RFX2: variants seen among roughly 807,000 people sequenced by gnomAD.
RFX2 encodes the protein regulatory factor X2.
RFX2 carries 20 observed loss-of-function variants against 87.8 expected under a neutral mutation model. The observed-to-expected ratio is 0.23, with a 90% CI of 0.16 to 0.33. The LOEUF is 0.33. Ranked by LOEUF, RFX2 falls within the 10% of genes least tolerant of loss-of-function variation. RFX2 has a pLI of 1.00. For missense variants in RFX2, 767 were observed against 1,012.3 expected (o/e 0.76, Z 3.29); for synonymous variants, 397 against 431.3 (o/e 0.92, Z 0.98).
At chr19:6,028,215 A>C (rs1200957570) in intron 5 of RFX2, among the ~76,000 whole-genome samples, 1 of 151,084 alleles carries the variant, frequency 6.6e-6, no homozygotes, top group South Asian at 2.1e-4. Context: ...AAAAAAAAAA[A>C]CAACAAAACC....
intron 1 of RFX2, among the ~76,000 whole-genome samples, chr19:6,067,100 G>T (rs972786018): frequency 6.6e-6 from 1 of 152,150 alleles, no homozygotes; most frequent in Non-Finnish European, 1.5e-5. Flanking sequence ...CATCACAGGA[G>T]GGATTTCAAT....
chr19:5,994,061 T>A lies in RFX2; in HGVS notation c.*774A>T, dbSNP rs936006549. 2.0e-5 allele frequency: 3 copies of A among 152,250 alleles called. No individual in the cohort carries two copies. The highest frequency in any genetic ancestry group is 7.2e-5 in the African/African-American group (3 of 41,468). The allele number at this position is 152,250 out of a possible 1,614,324, so 9.4% of individuals were successfully genotyped here. On this transcript the variant is annotated 3_prime_UTR_variant, in exon 18 of 18. Coordinates refer to ENST00000303657, the MANE Select transcript of RFX2 (RefSeq NM_000635.4). ...TGCTGATAAAACTTCTGGTTTTGATTTTTTGAAAGACACTGCTGTGTCCTG... is the reference window on the plus strand; with the variant it reads ...TGCTGATAAAACTTCTGGTTTTGATATTTTGAAAGACACTGCTGTGTCCTG...
intron 1 of RFX2, among the ~76,000 whole-genome samples, chr19:6,082,721 C>T (rs1024125378): frequency 6.6e-5 from 10 of 152,134 alleles, no homozygotes; most frequent in African/African-American, 2.2e-4. Flanking sequence ...GTGTTAGCCA[C>T]TGGAAAACTT....
chr19:6,099,847 C>A (rs986298628), intron 1 of RFX2, among the ~76,000 whole-genome samples: 1 of 152,170 alleles, frequency 6.6e-6, no homozygotes. Context: ...TTCTGTTCAC[C>A]CTCACTCCCA....
chr19:6,097,838 C>T (rs1430531684), intron 1 of RFX2, among the ~76,000 whole-genome samples: 1 of 152,198 alleles, frequency 6.6e-6, no homozygotes, highest in Non-Finnish European at 1.5e-5. Flanking sequence ...CTACCTCAGC[C>T]TCCCAAAGTG....
intron 12 of RFX2, among the ~76,000 whole-genome samples, chr19:6,005,995 C>G (rs1355083601): frequency 2.6e-5 from 4 of 152,206 alleles, no homozygotes; most frequent in African/African-American, 9.7e-5. Flanking sequence ...GCCTGCATGC[C>G]CCCAGTGAAC....
rs537407917 is a variant in RFX2 at position 6,037,240 on chromosome 19, C to T, written c.522+2740G>A. ...CGGAGCTTGCAGTGAGCCCAGATTG[C>T]GCCACTGCACTCCAGCCTGGGCGAC... On this transcript the variant is annotated intron_variant, in intron 5 of 17. Coordinates refer to ENST00000303657, the MANE Select transcript of RFX2 (RefSeq NM_000635.4). Among the ~76,000 whole-genome samples, 17 of 150,250 alleles carry T rather than the reference C, an allele frequency of 1.1e-4. No homozygotes were observed. In the East Asian group the frequency reaches 1.6e-3, roughly 14 times the overall value.
chr19:6,090,370 C>CAAA (rs1169384189), intron 1 of RFX2, among the ~76,000 whole-genome samples: 5 of 56,564 alleles, frequency 8.8e-5, no homozygotes, highest in African/African-American at 2.5e-4. Flanking sequence ...GACTCTGTCT[C>CAAA]AAAAAAAAAA....
At chr19:6,041,924 T>C in intron 4 of RFX2, 120 bp downstream of exon 4, 1 of 796,992 alleles carries the variant, frequency 1.3e-6, no homozygotes, top group Admixed American at 1.8e-5. Flanking sequence ...ATTTTAACAG[T>C]ATTTAGTGAA....
In RFX2 at chr19:5,997,140, A is replaced by G. The variant is rs2086424543; in HGVS notation, c.1933T>C (p.Tyr645His). The change falls in exon 16 of 18, where the codon TAC (tyrosine) becomes CAC (histidine). Residue 645 changes from tyrosine (Y) to histidine (H), a missense_variant. Tyr to His is a moderately conservative substitution (Grantham distance 83). This residue lies in a region of RFX2 where 621 missense variants were observed against 873.0 expected (regional missense o/e 0.71). Coordinates refer to ENST00000303657, the MANE Select transcript of RFX2 (RefSeq NM_000635.4). The surrounding 1 kb of genome is among the most constrained non-coding windows in gnomAD (Gnocchi z 4.2). Reference protein sequence around the residue: ...FGSFHLIRLLYDEYMFYLVEH... With the variant: ...FGSFHLIRLLHDEYMFYLVEH... ...ACCAGGTAGAACATGTACTCGTCGTAGAGCAGGCGGATGAGGTGGAAGGAG... is the reference window on the plus strand; with the variant it reads ...ACCAGGTAGAACATGTACTCGTCGTGGAGCAGGCGGATGAGGTGGAAGGAG... 1 of 1,613,798 alleles carries G rather than the reference A, an allele frequency of 6.2e-7. No homozygotes were observed. Among genetic ancestry groups the G allele is most frequent in the Non-Finnish European group, 8.5e-7 (1 of 1,180,002 alleles).
intron 9 of RFX2, among the ~76,000 whole-genome samples, chr19:6,008,518 G>A: frequency 6.6e-6 from 1 of 150,874 alleles, no homozygotes. Context: ...GATTACAGGT[G>A]GGCGCCACGA....
intron 1 of RFX2, among the ~76,000 whole-genome samples, chr19:6,070,816 T>C (rs1191939180): frequency 6.6e-6 from 1 of 152,234 alleles, no homozygotes; most frequent in Non-Finnish European, 1.5e-5. Context: ...CCAGTGATTG[T>C]CCTGCCTTAG....
At chr19:6,015,038 G>C (rs2144707115) in intron 7 of RFX2, among the ~76,000 whole-genome samples, 1 of 152,314 alleles carries the variant, frequency 6.6e-6, no homozygotes, top group East Asian at 1.9e-4. Flanking sequence ...TTAGAGGAGA[G>C]TTGGCATAAT....
chr19:6,085,272 T>C (rs1488710994), intron 1 of RFX2, among the ~76,000 whole-genome samples: 2 of 152,194 alleles, frequency 1.3e-5, no homozygotes, highest in Non-Finnish European at 2.9e-5. Context: ...TCCATATTCT[T>C]ATCAACATTT....
At position 6,020,240 on chromosome 19, in the gene RFX2, A is replaced by T. The variant is rs957678224; in HGVS notation, c.598-3969T>A. On this transcript the variant is annotated intron_variant, in intron 6 of 17. Coordinates refer to ENST00000303657, the MANE Select transcript of RFX2 (RefSeq NM_000635.4). This position sits in a 1 kb window ranked among gnomAD's most constrained non-coding sequence, Gnocchi z 5.3. ...CATACTGGCTCACACATAAAAAGAA[A>T]GTTTTGGAACAGATGATCCTTCTGC... is the stretch of plus-strand genomic sequence containing the variant. 1.3e-5 allele frequency: 2 copies of T among 152,202 alleles called. No individual in the cohort carries two copies. Among genetic ancestry groups the T allele is most frequent in the African/African-American group, 2.4e-5 (1 of 41,438 alleles). 9.4% of individuals were successfully genotyped at this position (152,202 alleles called of 1,614,324 possible).
chr19:6,016,555 T>C lies in RFX2; in HGVS notation c.598-284A>G, dbSNP rs1176719826. 6.6e-6 allele frequency among the ~76,000 whole-genome samples: 1 copy of C among 152,078 alleles called. No individual in the cohort carries two copies. On this transcript the variant is annotated intron_variant, in intron 6 of 17. Transcript: ENST00000303657. This position sits in a 1 kb window ranked among gnomAD's most constrained non-coding sequence, Gnocchi z 5.4. ...ACAGGTGTCCGACACCACATCTGGC[T>C]AGTTTTTGTATTTTTAGTAGAGACG...
rs371732271 is a variant in RFX2 at position 6,004,155 on chromosome 19, C to T, written c.1500+46G>A. 27 of 1,417,116 alleles carry T rather than the reference C, an allele frequency of 1.9e-5. No homozygotes were observed. The highest frequency in any genetic ancestry group is 1.8e-4 in the Middle Eastern group (1 of 5,532). 87.8% of individuals were successfully genotyped at this position (1,417,116 alleles called of 1,614,324 possible). On this transcript the variant is annotated intron_variant, in intron 13 of 17. Coordinates refer to ENST00000303657, the MANE Select transcript of RFX2 (RefSeq NM_000635.4). The surrounding 1 kb of genome is among the most constrained non-coding windows in gnomAD (Gnocchi z 4.8). ...TCCTCATGCTGTCCTGGACTGGAGC[C>T]CCTCCCAGCCATCGTTGGGGAGCCC...
Position 5,998,605 on chromosome 19 carries a change from G to A in RFX2, c.1860-1392C>T, listed in dbSNP as rs1044827419. Among the ~76,000 whole-genome samples, 3 of 151,902 alleles carry A rather than the reference G, an allele frequency of 2.0e-5. No individual in the cohort carries two copies. Among genetic ancestry groups the A allele is most frequent in the African/African-American group, 4.8e-5 (2 of 41,336 alleles). On this transcript the variant is annotated intron_variant, in intron 15 of 17. Transcript: ENST00000303657. This position sits in a 1 kb window ranked among gnomAD's most constrained non-coding sequence, Gnocchi z 4.2. ...GCCCCCAGCCCCCTCCTGTTCCTCCGGGCCCACCCAGGTTGGCTTCCAAGC... is the reference window on the plus strand; with the variant it reads ...GCCCCCAGCCCCCTCCTGTTCCTCCAGGCCCACCCAGGTTGGCTTCCAAGC...
At chr19:6,095,111 C>CAAAT (rs1390195870) in intron 1 of RFX2, among the ~76,000 whole-genome samples, 2 of 152,056 alleles carry the variant, frequency 1.3e-5, no homozygotes, top group Admixed American at 6.6e-5. Context: ...GACTCCATCT[C>CAAAT]AAATAAATAA....
Sources: gnomAD v4.1 joint callset for allele counts (sites outside exome capture counted in the v4.1 genomes callset) on GRCh38, gnomAD v4.1.1 for gene constraint, gnomAD v4.1.1 regional missense constraint, Gnocchi (gnomAD v3.1) non-coding constraint, MANE v1.5 for transcripts, NCBI Gene and HGNC (gene_info 2026-07-23, HGNC 2026-07-21) for gene names.